The following PTPRS variants were observed in gnomAD, a reference collection of about 807,000 sequenced individuals.
PTPRS encodes protein tyrosine phosphatase receptor type S.
Under a neutral mutation model 215.3 loss-of-function variants are expected in PTPRS, and 63 were observed. That is an observed-to-expected ratio of 0.29 (90% CI 0.24 to 0.36). The LOEUF (loss-of-function observed/expected upper bound fraction) is 0.36. Among genes scored for constraint, PTPRS ranks in the 10% least tolerant of loss-of-function variants. PTPRS has a pLI of 1.00. For missense variants in PTPRS, 2,258 were observed against 2,825.8 expected (o/e 0.80, Z 4.56); for synonymous variants, 1,404 against 1,191.4 (o/e 1.18, Z -3.68).
chr19:5,229,381 G>C, intron 15 of PTPRS, 39 bp from the exon 16 acceptor site: 1 of 1,369,208 alleles, frequency 7.3e-7, no homozygotes, highest in Non-Finnish European at 9.5e-7. Flanking sequence ...AGAGGAGGAA[G>C]GTGAGCGGGG....
At chr19:5,268,233 C>A (rs1015864910) in intron 4 of PTPRS, among the ~76,000 whole-genome samples, 1 of 152,014 alleles carries the variant, frequency 6.6e-6, no homozygotes, top group East Asian at 1.9e-4. Flanking sequence ...CACAGCCACG[C>A]CCATTCGTTT....
intron 1 of PTPRS, among the ~76,000 whole-genome samples, chr19:5,310,011 A>G (rs2049643405): frequency 6.6e-6 from 1 of 152,020 alleles, no homozygotes; most frequent in Non-Finnish European, 1.5e-5. Context: ...GGTGCCCCAC[A>G]AGGGCCTGCA....
At chr19:5,304,756 G>A (rs1284223262) in intron 1 of PTPRS, among the ~76,000 whole-genome samples, 2 of 152,192 alleles carry the variant, frequency 1.3e-5, no homozygotes, top group South Asian at 2.1e-4. Flanking sequence ...AAATTGCGCT[G>A]GGCTGGGGCA....
chr19:5,260,474 C>T (rs1162009044), intron 7 of PTPRS, among the ~76,000 whole-genome samples: 6 of 152,204 alleles, frequency 3.9e-5, no homozygotes, highest in African/African-American at 1.4e-4. Flanking sequence ...ACCACCGCGC[C>T]CGGCCTGCAT....
intron 32 of PTPRS, 24 bp from the exon 33 acceptor site, chr19:5,211,792 G>T (rs777593106): frequency 6.2e-7 from 1 of 1,606,762 alleles, no homozygotes; most frequent in South Asian, 1.1e-5. Context: ...GAAGCCAGAG[G>T]CCACCATCAG....
intron 3 of PTPRS, among the ~76,000 whole-genome samples, chr19:5,273,789 T>C (rs753489501): frequency 2.6e-5 from 4 of 152,076 alleles, no homozygotes; most frequent in Non-Finnish European, 5.9e-5. Context: ...TTTGGGTACA[T>C]ATAAGAACAG....
At chr19:5,216,888 G>C (rs920252068) in intron 25 of PTPRS, 121 bp from the exon 26 acceptor site, 27 of 664,156 alleles carry the variant, frequency 4.1e-5, no homozygotes, top group South Asian at 3.9e-4. Flanking sequence ...CGGACAACGG[G>C]GGGTATGTAC....
rs1234372053 is a variant in PTPRS at position 5,220,110 on chromosome 19, G to A, written c.3594C>T (p.His1198=). Residue 1198 remains histidine, a synonymous_variant, in exon 22 of 38, where the codon CAC becomes CAT. Coordinates refer to ENST00000262963, the MANE Select transcript of PTPRS (RefSeq NM_002850.4). ...ISRLQRRSLR[H]SRQLEVPRPY... is the part of the protein sequence containing the mutation. ...GCCGGGGCACCTCCAGCTGACGCGA[G>A]TGCCGCAGGCTGCGCCTCTGTAGCC... 1.9e-6 allele frequency: 3 copies of A among 1,613,370 alleles called. No homozygotes were observed. Among genetic ancestry groups the A allele is most frequent in the East Asian group, 4.5e-5 (2 of 44,896 alleles).
chr19:5,228,347 G>GAAAAAAAAAAAAA (rs71170899), intron 16 of PTPRS, among the ~76,000 whole-genome samples: 11 of 105,886 alleles, frequency 1.0e-4, no homozygotes, highest in African/African-American at 4.7e-4. Flanking sequence ...TCCGTCTGGA[G>GAAAAAAAAAAAAA]AAAAAAAAAA....
Position 5,214,740 on chromosome 19 carries a change from C to T in PTPRS, c.4319-4G>A, listed in dbSNP as rs749048638. ...ATGTAATCACTGCCCATGATGCCTG[C>T]AGCCAGGGCGAGAGGCCAGGGATCT... On this transcript the variant is annotated splice_polypyrimidine_tract_variant and splice_region_variant and intron_variant, in intron 28 of 37. Transcript: ENST00000262963. 3 of 1,594,430 alleles carry T rather than the reference C, an allele frequency of 1.9e-6. No individual in the cohort carries two copies. The Admixed American group carries it at 5.0e-5, about 27-fold the overall frequency.
At chr19:5,322,491 GCCCGC>G (rs929832856) in intron 1 of PTPRS, among the ~76,000 whole-genome samples, 2 of 152,046 alleles carry the variant, frequency 1.3e-5, no homozygotes, top group African/African-American at 4.8e-5. Flanking sequence ...ACCGACTCGA[GCCCGC>G]CCCGACTGGC....
intron 2 of PTPRS, among the ~76,000 whole-genome samples, chr19:5,282,741 GC>G (rs2047965589): frequency 6.6e-6 from 1 of 151,442 alleles, no homozygotes; most frequent in Non-Finnish European, 1.5e-5. Flanking sequence ...GGCAGAGGCT[GC>G]AGTGGGAGCC....
chr19:5,282,520 A>G (rs1313564302), intron 2 of PTPRS, among the ~76,000 whole-genome samples: 1 of 152,122 alleles, frequency 6.6e-6, no homozygotes, highest in Non-Finnish European at 1.5e-5. Context: ...AAAGGTGAAG[A>G]GGCCTGGCGC....
chr19:5,245,542 C>T (rs532914983), intron 10 of PTPRS, among the ~76,000 whole-genome samples: 1 of 152,278 alleles, frequency 6.6e-6, no homozygotes, highest in Non-Finnish European at 1.5e-5. Flanking sequence ...AACCTCCTGC[C>T]TTGGCCTCCC....
chr19:5,283,586 A>AC (rs1555797712), intron 2 of PTPRS, among the ~76,000 whole-genome samples: 1 of 152,066 alleles, frequency 6.6e-6, no homozygotes, highest in Non-Finnish European at 1.5e-5. Context: ...CAAAAAAAAA[A>AC]CAAAAGAAAA....
rs1568362202 is a variant in PTPRS, at chr19:5,210,550, G to A, written c.5406C>T (p.Tyr1802=). ...CCATCGGATCTACCACAAAGTACTG[G>A]TAGCGGGCAGAGCGCTCGGCCGGCC... The part of the protein sequence containing the change: ...QYWPAERSAR[Y]QYFVVDPMAE... The change falls in exon 35 of 38, where the codon TAC becomes TAT. Residue 1802 remains tyrosine, a synonymous_variant. Transcript: ENST00000262963. The surrounding 1 kb of genome is among the most constrained non-coding windows in gnomAD (Gnocchi z 4.5). 6.2e-7 allele frequency: 1 copy of A among 1,614,172 alleles called. No homozygotes were observed. Among genetic ancestry groups the A allele is most frequent in the Non-Finnish European group, 8.5e-7 (1 of 1,180,028 alleles).
At chr19:5,222,334 C>G (rs573241936) in intron 18 of PTPRS, 114 bp from the exon 19 acceptor site, 2 of 872,880 alleles carry the variant, frequency 2.3e-6, no homozygotes, top group Non-Finnish European at 3.7e-6. Flanking sequence ...CCCTGTCGTC[C>G]GCTGTGCCCA....
intron 1 of PTPRS, among the ~76,000 whole-genome samples, chr19:5,337,670 T>C (rs2147329340): frequency 6.6e-6 from 1 of 152,326 alleles, no homozygotes; most frequent in South Asian, 2.1e-4. Context: ...CCCCAGGCTC[T>C]ATGCGACCCA....
intron 30 of PTPRS, among the ~76,000 whole-genome samples, chr19:5,214,093 G>A (rs1013509532): frequency 5.9e-5 from 9 of 152,192 alleles, no homozygotes; most frequent in Non-Finnish European, 1.2e-4. Context: ...TGGGGCATGA[G>A]TAAAGGCAAG....
Sources: gnomAD v4.1 joint callset for allele counts (sites outside exome capture counted in the v4.1 genomes callset) on GRCh38, gnomAD v4.1.1 for gene constraint, Gnocchi (gnomAD v3.1) non-coding constraint, MANE v1.5 for transcripts, NCBI Gene and HGNC (gene_info 2026-07-23, HGNC 2026-07-21) for gene names.